The following FCHO2 variants were observed in gnomAD, a reference collection of about 807,000 sequenced individuals.
FCHO2 encodes the protein F-BAR domain only protein 2.
A neutral mutation model predicts 114.1 loss-of-function variants in FCHO2; 43 were observed. The ratio of observed to expected loss-of-function variants is 0.38; its 90% confidence interval spans 0.30 to 0.49. The LOEUF (loss-of-function observed/expected upper bound fraction) is 0.49. FCHO2 is among the 20% of genes least tolerant of loss of function. FCHO2 has a pLI of 0.97. For synonymous variants in FCHO2, 293 were observed against 315.2 expected, an observed-to-expected ratio of 0.93 and a Z score of 0.75; for missense variants, 807 against 950.4, an observed-to-expected ratio of 0.85 and a Z score of 1.98.
chr5:72,982,962 G>A (rs1003670015), intron 2 of FCHO2, among the ~76,000 whole-genome samples: 1 of 150,818 alleles, frequency 6.6e-6, no homozygotes, highest in African/African-American at 2.4e-5. Context: ...CGCCGAGGCT[G>A]GAGTGCAGTG....
At chr5:73,032,049 A>G (rs1463058496) in intron 8 of FCHO2, among the ~76,000 whole-genome samples, 1 of 152,248 alleles carries the variant, frequency 6.6e-6, no homozygotes, top group Non-Finnish European at 1.5e-5. Flanking sequence ...GAGATGCTGA[A>G]TAAACTTTCC....
chr5:73,018,914 G>A (rs764415879), intron 8 of FCHO2, among the ~76,000 whole-genome samples: 18 of 152,118 alleles, frequency 1.2e-4, no homozygotes, highest in South Asian at 4.1e-4. Flanking sequence ...AAACAAGCAC[G>A]CAAGCAGTGA....
chr5:72,982,092 A>G (rs1347558095), intron 2 of FCHO2, among the ~76,000 whole-genome samples: 1 of 152,144 alleles, frequency 6.6e-6, no homozygotes, highest in Non-Finnish European at 1.5e-5. Flanking sequence ...CTGTGGGAAA[A>G]GCGTAGTATC....
At chr5:73,055,883 T>C (rs1033543306) in intron 15 of FCHO2, among the ~76,000 whole-genome samples, 182 bp from the exon 16 acceptor site, 5 of 152,180 alleles carry the variant, frequency 3.3e-5, no homozygotes, top group Admixed American at 3.3e-4. Flanking sequence ...CAGGGTTTTG[T>C]AATTTCAGTT....
chr5:73,051,277 G>A (rs1019548682), intron 11 of FCHO2, 72 bp from the exon 12 acceptor site: 1 of 1,036,828 alleles, frequency 9.6e-7, no homozygotes, highest in South Asian at 1.5e-5. Context: ...AATACCTGAG[G>A]CTACTTTGAT....
intron 18 of FCHO2, 44 bp downstream of exon 18, chr5:73,063,988 T>A: frequency 6.7e-7 from 1 of 1,497,088 alleles, no homozygotes; most frequent in Non-Finnish European, 9.1e-7. Context: ...TGTTTTGATT[T>A]AAGATGCAAA....
At chr5:73,030,954 GGA>G (rs138287753) in intron 8 of FCHO2, among the ~76,000 whole-genome samples, 1 of 152,092 alleles carries the variant, frequency 6.6e-6, no homozygotes, top group Non-Finnish European at 1.5e-5. Flanking sequence ...AAGGCTATGT[GGA>G]GAGAGAGAGA....
chr5:73,001,253 T>C (rs575805157), intron 5 of FCHO2, among the ~76,000 whole-genome samples: 2 of 151,702 alleles, frequency 1.3e-5, no homozygotes, highest in Admixed American at 6.6e-5. Context: ...TTAAAAAAAT[T>C]AGTCAGTGTG....
chr5:73,061,163 TG>T (rs1757834392), intron 17 of FCHO2, among the ~76,000 whole-genome samples: 1 of 152,066 alleles, frequency 6.6e-6, no homozygotes, highest in South Asian at 2.1e-4. Flanking sequence ...TACACAGCAT[TG>T]TTGCTTTGCC....
At position 73,052,361 on chromosome 5, in the gene FCHO2, A is replaced by G. The variant is rs770741478; in HGVS notation, c.1027A>G (p.Ser343Gly). 2 of 1,609,032 alleles carry G rather than the reference A, an allele frequency of 1.2e-6. No individual in the cohort carries two copies. Among genetic ancestry groups the G allele is most frequent in the South Asian group, 2.2e-5 (2 of 89,758 alleles). The stretch of plus-strand genomic sequence containing the variant: ...CAAAGAGAACCATTTCTACTCATCT[A>G]GTGATTCTGACTCCGAAGATGAAGA... ...DTKENHFYSS[S>G]DSDSEDEEPK... Residue 343 changes from serine to glycine, a missense_variant, in exon 13 of 26, where the codon AGT (serine) becomes GGT (glycine). Transcript: ENST00000430046.
intron 7 of FCHO2, among the ~76,000 whole-genome samples, chr5:73,016,666 A>T (rs1755322521): frequency 7.8e-6 from 1 of 127,990 alleles, no homozygotes; most frequent in Admixed American, 8.4e-5. Flanking sequence ...ATTAAAAAAG[A>T]TTTTAAATTG....
chr5:73,034,813 A>G, intron 9 of FCHO2, 112 bp downstream of exon 9: 1 of 755,128 alleles, frequency 1.3e-6, no homozygotes, highest in Non-Finnish European at 2.0e-6. Flanking sequence ...TACCTATGGA[A>G]TGGAATGCTG....
chr5:73,050,339 T>TA (rs1261375741), intron 11 of FCHO2, among the ~76,000 whole-genome samples: 2 of 151,424 alleles, frequency 1.3e-5, no homozygotes, highest in Non-Finnish European at 2.9e-5. Flanking sequence ...TTTATTTATT[T>TA]TGACAGAGCT....
intron 10 of FCHO2, chr5:73,037,857 A>G (rs1159753288): frequency 8.8e-6 from 3 of 339,636 alleles, no homozygotes; most frequent in Non-Finnish European, 1.8e-5. Flanking sequence ...CCCAGGTTCA[A>G]GCGATTCTCC....
rs534694877 is a variant in FCHO2, at chr5:72,972,894, G to C, written c.125+4305G>C. 3.3e-5 allele frequency among the ~76,000 whole-genome samples: 5 copies of C among 152,304 alleles called. No homozygotes were observed. In the South Asian group the frequency reaches 1.0e-3, roughly 32 times the overall value. ...ACGTCCCATCAATGCCTAATTTATT[G>C]AGAGTTTTTAGCATGAAGGGCTGTT... On this transcript the variant is annotated intron_variant, in intron 2 of 25. Coordinates refer to ENST00000430046, the MANE Select transcript of FCHO2 (RefSeq NM_138782.3).
Position 73,056,945 on chromosome 5 carries a change from C to A in FCHO2, c.1253+838C>A, listed in dbSNP as rs117436409. On this transcript the variant is annotated intron_variant, in intron 16 of 25. Coordinates refer to ENST00000430046, the MANE Select transcript of FCHO2 (RefSeq NM_138782.3). The stretch of plus-strand genomic sequence containing the variant: ...TGTGTCTATCAGTTAAGAATACTCT[C>A]TTTGAGTTAATGGTTTTTTGCTTGT... 4.3e-4 allele frequency among the ~76,000 whole-genome samples: 66 copies of A among 152,074 alleles called. No homozygotes were observed. In the East Asian group the frequency reaches 0.012, roughly 29 times the overall value.
intron 1 of FCHO2, among the ~76,000 whole-genome samples, chr5:72,966,792 T>C (rs1752226593): frequency 6.6e-6 from 1 of 152,246 alleles, no homozygotes; most frequent in Non-Finnish European, 1.5e-5. Flanking sequence ...ATATATTCCA[T>C]TTTTCCATTT....
At chr5:72,957,160 C>A (rs987939810) in intron 1 of FCHO2, among the ~76,000 whole-genome samples, 2 of 152,106 alleles carry the variant, frequency 1.3e-5, no homozygotes, top group African/African-American at 2.4e-5. Flanking sequence ...TTGAATGTAC[C>A]TTGTTTTCCA....
rs568829042 is a variant in FCHO2 at position 73,068,951 on chromosome 5, A to C, written c.1579+172A>C. On this transcript the variant is annotated intron_variant, in intron 19 of 25. Transcript: ENST00000430046. ...TCCATGCTTTGCTTTTCTGTTTCAC[A>C]GTCTATGTTATCTGGATAGAAGAAT... is the stretch of plus-strand genomic sequence containing the variant. Among the ~76,000 whole-genome samples the C allele has an allele frequency of 2.0e-5, 3 of 152,258 alleles. No individual in the cohort carries two copies. In the South Asian group the frequency reaches 6.2e-4, roughly 32 times the overall value.
Sources: allele counts gnomAD v4.1 joint callset (sites outside exome capture counted in the v4.1 genomes callset), GRCh38; gene constraint gnomAD v4.1.1; transcripts MANE v1.5; gene names NCBI Gene and HGNC (gene_info 2026-07-23, HGNC 2026-07-21).